Variants in SLC29A2 observed in about 807,000 individuals in gnomAD.
SLC29A2 encodes equilibrative nucleoside transporter 2.
Under a neutral mutation model 48.8 loss-of-function variants are expected in SLC29A2, and 37 were observed. That is an observed-to-expected ratio of 0.76 (90% CI 0.58 to 1.00). The LOEUF (loss-of-function observed/expected upper bound fraction) is 1.00, where lower values mean the gene tolerates loss of function less well. Ranked by LOEUF, SLC29A2 falls within the 50% of genes least tolerant of loss-of-function variation. The pLI is 0.00. For missense variants in SLC29A2, 533 were observed against 578.6 expected (o/e 0.92, Z 0.81); for synonymous variants, 233 against 261.7 (o/e 0.89, Z 1.06).
At chr11:66,370,194 T>A (rs1855950552) in intron 2 of SLC29A2, among the ~76,000 whole-genome samples, 1 of 152,220 alleles carries the variant, frequency 6.6e-6, no homozygotes, top group Non-Finnish European at 1.5e-5. Context: ...CCCCTCCACA[T>A]GCACTTTGCC....
chr11:66,371,958 G>T (rs1416726521), upstream of SLC29A2: 4 of 342,256 alleles, frequency 1.2e-5, no homozygotes, highest in Non-Finnish European at 1.1e-5. Context: ...GGCGGGTCCC[G>T]GATCCCTGCG....
At position 66,365,096 on chromosome 11, in the gene SLC29A2, G is replaced by A. The variant is rs550243381; in HGVS notation, c.1060-672C>T. Among the ~76,000 whole-genome samples, 16 of 150,438 alleles carry A rather than the reference G, an allele frequency of 1.1e-4. No individual in the cohort carries two copies. In the South Asian group the frequency reaches 3.2e-3, roughly 30 times the overall value. ...TAATTGTTATCTTTTTAGTAGAGAC[G>A]GGGTTTCACCATGTTGGCCAGGCTG... On this transcript the variant is annotated intron_variant, in intron 10 of 11. Coordinates refer to ENST00000357440, the MANE Select transcript of SLC29A2 (RefSeq NM_001532.3).
At chr11:66,365,252 A>G (rs1855615166) in intron 10 of SLC29A2, among the ~76,000 whole-genome samples, 1 of 147,506 alleles carries the variant, frequency 6.8e-6, no homozygotes, top group Non-Finnish European at 1.5e-5. Context: ...TGGCCCACCC[A>G]TAGGATAGAC....
At position 66,369,437 on chromosome 11, in the gene SLC29A2, A is replaced by G. The variant is rs567330653; in HGVS notation, c.207T>C (p.Asn69=). ...GCAGCTGGGACAGCAGCGTCACCCA[A>G]TTGTTGAAGTTGAAGGCATCCTCGG... ...TGPEDAFNFN[N]WVTLLSQLPL... is the part of the protein sequence containing the mutation. The change falls in exon 3 of 12, where the codon AAT becomes AAC. Residue 69 remains asparagine, a synonymous_variant. Coordinates refer to ENST00000357440, the MANE Select transcript of SLC29A2 (RefSeq NM_001532.3). 2.5e-5 allele frequency: 41 copies of G among 1,614,076 alleles called. No homozygotes were observed. The highest frequency in any genetic ancestry group is 1.6e-4 in the Middle Eastern group (1 of 6,062).
In SLC29A2 at chr11:66,369,497, G is replaced by A; in HGVS notation, c.147C>T (p.Ser49=). Residue 49 remains serine, a synonymous_variant, in exon 3 of 12, where the codon AGC becomes AGT. Transcript: ENST00000357440. ...FQARLAGAGN[S]TARILSTNHT... ...GGTTGGTGCTCAGGATCCTGGCTGT[G>A]CTGTTGCCGGCCCCGGCCAGTCGCG... is the stretch of plus-strand genomic sequence containing the variant. The A allele has an allele frequency of 6.2e-7, 1 of 1,613,988 alleles. No homozygotes were observed. Among genetic ancestry groups the A allele is most frequent in the Non-Finnish European group, 8.5e-7 (1 of 1,179,982 alleles).
chr11:66,369,021 C>T, intron 4 of SLC29A2, 39 bp downstream of exon 4: 1 of 1,583,456 alleles, frequency 6.3e-7, no homozygotes, highest in African/African-American at 1.3e-5. Flanking sequence ...AGGCTGAAGC[C>T]CTGCATAGGC....
intron 3 of SLC29A2, 28 bp downstream of exon 3, chr11:66,369,341 G>A: frequency 6.2e-7 from 1 of 1,613,598 alleles, no homozygotes; most frequent in Non-Finnish European, 8.5e-7. Flanking sequence ...CTCGGCAGAG[G>A]GCGCAGGAGC....
At position 66,364,263 on chromosome 11, in the gene SLC29A2, A is replaced by G. The variant is rs1467677844; in HGVS notation, c.1221T>C (p.Asn407=). 5 of 1,525,294 alleles carry G rather than the reference A, an allele frequency of 3.3e-6. No individual in the cohort carries two copies. Among genetic ancestry groups the G allele is most frequent in the Non-Finnish European group, 3.6e-6 (4 of 1,126,666 alleles). The allele number at this position is 1,525,294 out of a possible 1,614,324, so 94.5% of individuals were successfully genotyped here. ...ITFMLLFAVS[N]GYLVSLTMCL... ...ACATGGTGAGGGACACCAGGTAGCC[A>G]TTAGAAACGGCAAAGAGCAGCATGA... The change falls in exon 11 of 12, where the codon AAT becomes AAC. Residue 407 remains asparagine, a synonymous_variant. Transcript: ENST00000357440.
chr11:66,366,084 T>C (rs1855673526), intron 9 of SLC29A2, 42 bp downstream of exon 9: 1 of 1,606,828 alleles, frequency 6.2e-7, no homozygotes, highest in South Asian at 1.1e-5. Flanking sequence ...CCTCTCCCCT[T>C]TGTACCCCCT....
intron 5 of SLC29A2, among the ~76,000 whole-genome samples, chr11:66,368,322 CCT>C (rs1399710977): frequency 6.6e-6 from 1 of 152,138 alleles, no homozygotes; most frequent in Non-Finnish European, 1.5e-5. Context: ...GAATCCTGCC[CCT>C]GTCCCTGAGT....
rs1207256073 is a variant in SLC29A2, at chr11:66,368,581, A to G, written c.506T>C (p.Leu169Pro). The stretch of plus-strand genomic sequence containing the variant: ...GGCAAGGGCAGCAAAGATCCCAGCC[A>G]GGCCCTGGCCGCTGAGGAAGAGGGT... ...YSTLFLSGQGLAGIFAALAML... is the reference protein window; with the variant it reads ...YSTLFLSGQGPAGIFAALAML... The change falls in exon 5 of 12, where the codon CTG (leucine) becomes CCG (proline). Residue 169 changes from leucine (L) to proline (P), a missense_variant. By Grantham distance (98) the Leu-to-Pro change is moderately conservative. Coordinates refer to ENST00000357440, the MANE Select transcript of SLC29A2 (RefSeq NM_001532.3). The G allele has an allele frequency of 2.5e-6, 4 of 1,612,646 alleles. No individual in the cohort carries two copies. In the African/African-American group the frequency reaches 5.3e-5, roughly 22 times the overall value.
At position 66,363,390 on chromosome 11, in the gene SLC29A2, A is replaced by C; in HGVS notation, c.*46T>G. On this transcript the variant is annotated 3_prime_UTR_variant, in exon 12 of 12. Coordinates refer to ENST00000357440, the MANE Select transcript of SLC29A2 (RefSeq NM_001532.3). ...GCCCTGGGCTGGATCTCAGCTCCGG[A>C]AGGAGACGTCGAGAAGAGGCTGCCA... 6.8e-7 allele frequency: 1 copy of C among 1,461,584 alleles called. No individual in the cohort carries two copies. The highest frequency in any genetic ancestry group is 9.6e-7 in the Non-Finnish European group (1 of 1,043,274). 90.5% of individuals were successfully genotyped at this position (1,461,584 alleles called of 1,614,324 possible).
Position 66,369,380 on chromosome 11 carries a change from G to T in SLC29A2, c.264C>A (p.Phe88Leu). 1 of 1,614,100 alleles carries T rather than the reference G, an allele frequency of 6.2e-7. No individual in the cohort carries two copies. The highest frequency in any genetic ancestry group is 8.5e-7 in the Non-Finnish European group (1 of 1,179,964). The part of the protein sequence containing the change: ...PLLLFTLLNS[F>L]LYQCVPETVR... ...GGCAGGCCTCTCACCACTGGTACAG[G>T]AAGGAGTTGAGGAGGGTGAAGAGCA... is the stretch of plus-strand genomic sequence containing the variant. The change falls in exon 3 of 12, where the codon TTC becomes TTA. Residue 88 changes from phenylalanine (F) to leucine (L), a missense_variant. By Grantham distance (22) the Phe-to-Leu change is conservative. Transcript: ENST00000357440.
At position 66,364,254 on chromosome 11, in the gene SLC29A2, C is replaced by G; in HGVS notation, c.1230G>C (p.Leu410=). ...GCGCCAGGCACATGGTGAGGGACAC[C>G]AGGTAGCCATTAGAAACGGCAAAGA... is the stretch of plus-strand genomic sequence containing the variant. The part of the protein sequence containing the change: ...MLLFAVSNGY[L]VSLTMCLAPR... Residue 410 remains leucine (L), a synonymous_variant, in exon 11 of 12, where the codon CTG becomes CTC. Transcript: ENST00000357440. 1.2e-6 allele frequency: 2 copies of G among 1,613,412 alleles called. No homozygotes were observed. Among genetic ancestry groups the G allele is most frequent in the Non-Finnish European group, 1.7e-6 (2 of 1,179,806 alleles).
chr11:66,369,410 G>A lies in SLC29A2; in HGVS notation c.234C>T (p.Pro78=), dbSNP rs199558937. 1 of 1,614,108 alleles carries A rather than the reference G, an allele frequency of 6.2e-7. No individual in the cohort carries two copies. The highest frequency in any genetic ancestry group is 8.5e-7 in the Non-Finnish European group (1 of 1,180,000). The part of the protein sequence containing the change: ...NNWVTLLSQL[P]LLLFTLLNSF... The stretch of plus-strand genomic sequence containing the variant: ...AGTTGAGGAGGGTGAAGAGCAGCAG[G>A]GGCAGCTGGGACAGCAGCGTCACCC... The change falls in exon 3 of 12, where the codon CCC becomes CCT. Residue 78 remains proline, a synonymous_variant. Coordinates refer to ENST00000357440, the MANE Select transcript of SLC29A2 (RefSeq NM_001532.3).
At chr11:66,367,751 C>A in intron 6 of SLC29A2, 21 bp downstream of exon 6, 2 of 1,605,966 alleles carry the variant, frequency 1.2e-6, no homozygotes, top group Non-Finnish European at 1.7e-6. Context: ...GGTGGGGCCT[C>A]GAGCCCAACA....
intron 10 of SLC29A2, among the ~76,000 whole-genome samples, chr11:66,365,278 T>C (rs202048918): frequency 1.5e-5 from 1 of 65,218 alleles, no homozygotes; most frequent in Admixed American, 1.2e-4. Context: ...TGTCACCCCC[T>C]GACCTCCTCT....
In SLC29A2 at chr11:66,371,230, G is replaced by T. The variant is rs1227389278; in HGVS notation, c.111+14C>A. On this transcript the variant is annotated intron_variant, in intron 2 of 11. Coordinates refer to ENST00000357440, the MANE Select transcript of SLC29A2 (RefSeq NM_001532.3). ...GCTGTGGCCACGAGGCTGCCACGCCGCCAGGAGTCTCACCGGGATGGCGGT... is the reference window on the plus strand; with the variant it reads ...GCTGTGGCCACGAGGCTGCCACGCCTCCAGGAGTCTCACCGGGATGGCGGT... The T allele has an allele frequency of 1.1e-5, 17 of 1,612,276 alleles. No individual in the cohort carries two copies. The highest frequency in any genetic ancestry group is 1.4e-5 in the Non-Finnish European group (17 of 1,178,914).
chr11:66,363,524 T>C lies in SLC29A2; in HGVS notation c.1283A>G (p.Glu428Gly). 6.2e-7 allele frequency: 1 copy of C among 1,613,550 alleles called. No homozygotes were observed. Among genetic ancestry groups the C allele is most frequent in the Non-Finnish European group, 8.5e-7 (1 of 1,179,756 alleles). Residue 428 changes from glutamate (E) to glycine (G), a missense_variant, in exon 12 of 12, where the codon GAG becomes GGG. Glu to Gly is a moderately conservative substitution (Grantham distance 98). Coordinates refer to ENST00000357440, the MANE Select transcript of SLC29A2 (RefSeq NM_001532.3). ...GAAGGTCATGAGGGCGCCGGCCACC[T>C]CCCTCTCGTGTGGCAGCACCTGCCT... ...APRQVLPHER[E>G]VAGALMTFFL...
Sources: gnomAD v4.1 joint callset for allele counts (sites outside exome capture counted in the v4.1 genomes callset) on GRCh38, gnomAD v4.1.1 for gene constraint, MANE v1.5 for transcripts, NCBI Gene and HGNC (gene_info 2026-07-23, HGNC 2026-07-21) for gene names.